Variants in PRRG4 observed in about 807,000 individuals in gnomAD.
The protein encoded by PRRG4 is proline rich and Gla domain 4, also known as transmembrane gamma-carboxyglutamic acid protein 4.
A neutral mutation model predicts 20.0 loss-of-function variants in PRRG4; 12 were observed. The observed-to-expected ratio is 0.60, with a 90% CI of 0.38 to 0.97. The LOEUF is 0.97. Ranked by LOEUF, PRRG4 falls within the 50% of genes least tolerant of loss-of-function variation. The probability of loss-of-function intolerance (pLI) is 0.00; values close to 1 mark genes in which losing one functional copy is unlikely to be tolerated. For missense variants in PRRG4, 199 were observed against 265.1 expected (o/e 0.75, Z 1.73); for synonymous variants, 94 against 96.4 (o/e 0.98, Z 0.15).
In PRRG4 at chr11:32,840,337, G is replaced by C. The variant is rs1851066386; in HGVS notation, c.449+98G>C. On this transcript the variant is annotated intron_variant, in intron 5 of 5. Transcript: ENST00000257836. This position sits in a 1 kb window ranked among gnomAD's most constrained non-coding sequence, Gnocchi z 4.1. Reference sequence around the variant, plus strand: ...AATGGCTGCCTATTTTCTTAAATAAGCCTTTTATTTTGGAAGAATTTTAGA... The same window carrying C: ...AATGGCTGCCTATTTTCTTAAATAACCCTTTTATTTTGGAAGAATTTTAGA... 1 of 922,190 alleles carries C rather than the reference G, an allele frequency of 1.1e-6. No homozygotes were observed. The highest frequency in any genetic ancestry group is 1.6e-6 in the Non-Finnish European group (1 of 610,276). 57.1% of individuals were successfully genotyped at this position (922,190 alleles called of 1,614,324 possible). A position where few individuals can be genotyped will look rare whatever the true frequency, so the allele number is the denominator to read the frequency against.
chr11:32,830,568 A>G lies in PRRG4; in HGVS notation c.39A>G (p.Thr13=), dbSNP rs1208769529. ...TLLVLLSQLP[T]VTLGFPHCAR... ...TGGTTCTACTCAGCCAACTGCCCAC[A>G]GTTACCCTGGGGTTTCCTCATTGCG... The change falls in exon 2 of 6, where the codon ACA becomes ACG. Residue 13 remains threonine, a synonymous_variant. Coordinates refer to ENST00000257836, the MANE Select transcript of PRRG4 (RefSeq NM_024081.6). 1.2e-6 allele frequency: 2 copies of G among 1,609,102 alleles called. No homozygotes were observed. Among genetic ancestry groups the G allele is most frequent in the Non-Finnish European group, 8.5e-7 (1 of 1,178,430 alleles).
At chr11:32,850,562 A>G (rs1258097267) in intron 5 of PRRG4, among the ~76,000 whole-genome samples, 1 of 152,102 alleles carries the variant, frequency 6.6e-6, no homozygotes, top group Non-Finnish European at 1.5e-5. Context: ...GGATATTCCA[A>G]ACTTGGTTTA....
chr11:32,843,784 G>T (rs182969342), intron 5 of PRRG4, among the ~76,000 whole-genome samples: 2 of 149,814 alleles, frequency 1.3e-5, no homozygotes, highest in African/African-American at 4.9e-5. Flanking sequence ...TGAACAAACT[G>T]TTTCCCATTC....
At chr11:32,833,659 T>G (rs1850994486) in intron 2 of PRRG4, among the ~76,000 whole-genome samples, 2 of 152,216 alleles carry the variant, frequency 1.3e-5, no homozygotes, top group Non-Finnish European at 2.9e-5. Flanking sequence ...ATGAATTGCT[T>G]CAACTGGTAG....
chr11:32,853,418 A>G lies in PRRG4; in HGVS notation c.572A>G (p.Gln191Arg). The G allele has an allele frequency of 6.2e-7, 1 of 1,614,156 alleles. No homozygotes were observed. The highest frequency in any genetic ancestry group is 2.2e-5 in the East Asian group (1 of 44,868). ...GATGCAGGATTACCTTCTTATGAAC[A>G]GGCAGTGGCGCTGACCAGAAAACAC... ...VEDAGLPSYE[Q>R]AVALTRKHSV... is the part of the protein sequence containing the mutation. Residue 191 changes from glutamine to arginine, a missense_variant, in exon 6 of 6, where the codon CAG becomes CGG. Gln to Arg is a conservative substitution (Grantham distance 43, BLOSUM62 1). Coordinates refer to ENST00000257836, the MANE Select transcript of PRRG4 (RefSeq NM_024081.6).
In PRRG4 at chr11:32,849,506, T is replaced by C. The variant is rs531373393; in HGVS notation, c.450-3790T>C. On this transcript the variant is annotated intron_variant, in intron 5 of 5. Coordinates refer to ENST00000257836, the MANE Select transcript of PRRG4 (RefSeq NM_024081.6). Reference sequence around the variant, plus strand: ...AGTGAAACCCCGTCTCTACTAAAAATACAAAAAATTAGCCAGGCGTGGTGG... The same window carrying C: ...AGTGAAACCCCGTCTCTACTAAAAACACAAAAAATTAGCCAGGCGTGGTGG... 2.0e-5 allele frequency among the ~76,000 whole-genome samples: 3 copies of C among 150,726 alleles called. No homozygotes were observed. The East Asian group carries it at 5.9e-4, about 30-fold the overall frequency.
rs1226210673 is a variant in PRRG4 at position 32,830,639 on chromosome 11, A to G, written c.103+7A>G. On this transcript the variant is annotated splice_region_variant and intron_variant, in intron 2 of 5. Coordinates refer to ENST00000257836, the MANE Select transcript of PRRG4 (RefSeq NM_024081.6). ...AAGCATGCGGGAGAAGAAGGTAAGC[A>G]CTAAAACGTCCCTGGAACCCAGAGC... 2 of 1,614,004 alleles carry G rather than the reference A, an allele frequency of 1.2e-6. No homozygotes were observed. The highest frequency in any genetic ancestry group is 8.5e-7 in the Non-Finnish European group (1 of 1,180,008).
Position 32,853,825 on chromosome 11 carries a change from C to G in PRRG4, c.*298C>G. On this transcript the variant is annotated 3_prime_UTR_variant, in exon 6 of 6. Transcript: ENST00000257836. ...CCTGGGCGACAGAGCAAGACTCCAT[C>G]TCAAAAATAAAATAAAAAAAGAAAG... 1 of 191,736 alleles carries G rather than the reference C, an allele frequency of 5.2e-6. No homozygotes were observed. The highest frequency in any genetic ancestry group is 1.1e-5 in the Non-Finnish European group (1 of 94,824). 11.9% of individuals were successfully genotyped at this position (191,736 alleles called of 1,614,324 possible). A position where few individuals can be genotyped will look rare whatever the true frequency, so the allele number is the denominator to read the frequency against.
intron 5 of PRRG4, among the ~76,000 whole-genome samples, chr11:32,849,336 G>C (rs1210573380): frequency 6.6e-6 from 1 of 151,994 alleles, no homozygotes; most frequent in Non-Finnish European, 1.5e-5. Context: ...CTACAGCCTG[G>C]GTGGCAGAGC....
chr11:32,854,918 A>G lies in PRRG4; in HGVS notation c.*1391A>G, dbSNP rs906595479. ...TATCAAATAAACAGACCTAAAATCT[A>G]GGAGACACTAGAACTTAATGAAGTT... On this transcript the variant is annotated 3_prime_UTR_variant, in exon 6 of 6. Coordinates refer to ENST00000257836, the MANE Select transcript of PRRG4 (RefSeq NM_024081.6). The G allele has an allele frequency of 2.6e-5, 4 of 152,220 alleles. No individual in the cohort carries two copies. The highest frequency in any genetic ancestry group is 9.6e-5 in the African/African-American group (4 of 41,464). 9.4% of individuals were successfully genotyped at this position (152,220 alleles called of 1,614,324 possible). A position where few individuals can be genotyped will look rare whatever the true frequency, so the allele number is the denominator to read the frequency against.
At position 32,840,139 on chromosome 11, in the gene PRRG4, C is replaced by A; in HGVS notation, c.349C>A (p.Leu117Ile). Residue 117 changes from leucine to isoleucine, a missense_variant, in exon 5 of 6, where the codon CTT (leucine) becomes ATT (isoleucine). Transcript: ENST00000257836. The surrounding 1 kb of genome is among the most constrained non-coding windows in gnomAD (Gnocchi z 4.1). ...GNREKIDVMG[L>I]LTGLIAAGVF... ...CAGAGAGAAAATAGATGTTATGGGC[C>A]TTCTGACTGGATTAATTGCTGCTGG... The A allele has an allele frequency of 6.2e-7, 1 of 1,606,684 alleles. No individual in the cohort carries two copies. The highest frequency in any genetic ancestry group is 8.5e-7 in the Non-Finnish European group (1 of 1,173,958).
At chr11:32,830,946 T>TA (rs1212936532) in intron 2 of PRRG4, among the ~76,000 whole-genome samples, 1 of 152,184 alleles carries the variant, frequency 6.6e-6, no homozygotes, top group Non-Finnish European at 1.5e-5. Flanking sequence ...GTGGCGATTA[T>TA]AATAAGCATA....
chr11:32,848,119 A>G (rs1851147358), intron 5 of PRRG4, among the ~76,000 whole-genome samples: 1 of 152,234 alleles, frequency 6.6e-6, no homozygotes, highest in African/African-American at 2.4e-5. Context: ...TCAAGGGACC[A>G]GCAGGTTGTA....
chr11:32,837,538 GATGATTATTATTATT>G (rs1343381757), intron 3 of PRRG4, among the ~76,000 whole-genome samples: 135 of 90,924 alleles, frequency 1.5e-3, no homozygotes, highest in African/African-American at 3.6e-3. Flanking sequence ...TGATGATGAT[GATGATTATTATTATT>G]ATTATTATTA....
chr11:32,847,352 A>C (rs1851140920), intron 5 of PRRG4, among the ~76,000 whole-genome samples: 1 of 152,140 alleles, frequency 6.6e-6, no homozygotes, highest in South Asian at 2.1e-4. Context: ...ATGAATGGCC[A>C]ACAAGCACTT....
intron 5 of PRRG4, among the ~76,000 whole-genome samples, chr11:32,847,261 A>G (rs1357770544): frequency 6.6e-6 from 1 of 152,094 alleles, no homozygotes; most frequent in Non-Finnish European, 1.5e-5. Flanking sequence ...AGATAGCTCA[A>G]GAAAGGATAA....
chr11:32,831,032 A>G (rs1192934551), intron 2 of PRRG4, among the ~76,000 whole-genome samples: 2 of 152,162 alleles, frequency 1.3e-5, no homozygotes, highest in Non-Finnish European at 2.9e-5. Flanking sequence ...GGGCGAGATA[A>G]CTTAATCCCG....
At chr11:32,836,613 G>T (rs955229061) in intron 2 of PRRG4, 45 bp from the exon 3 acceptor site, 6 of 1,160,516 alleles carry the variant, frequency 5.2e-6, no homozygotes, top group Middle Eastern at 4.1e-4. Flanking sequence ...GGAATTTTTT[G>T]ACTATATTTG....
At position 32,853,442 on chromosome 11, in the gene PRRG4, A is replaced by G; in HGVS notation, c.596A>G (p.His199Arg). ...YEQAVALTRK[H>R]SVSPPPPYPG... ...CAGGCAGTGGCGCTGACCAGAAAAC[A>G]CAGTGTTTCACCACCACCACCATAT... Residue 199 changes from histidine to arginine, a missense_variant, in exon 6 of 6, where the codon CAC becomes CGC. By Grantham distance (29) the His-to-Arg change is conservative. Coordinates refer to ENST00000257836, the MANE Select transcript of PRRG4 (RefSeq NM_024081.6). The G allele has an allele frequency of 6.2e-7, 1 of 1,614,176 alleles. No individual in the cohort carries two copies. The highest frequency in any genetic ancestry group is 1.1e-5 in the South Asian group (1 of 91,088).
Sources: allele counts gnomAD v4.1 joint callset (sites outside exome capture counted in the v4.1 genomes callset), GRCh38; gene constraint gnomAD v4.1.1; non-coding constraint Gnocchi (gnomAD v3.1); transcripts MANE v1.5; gene names NCBI Gene and HGNC (gene_info 2026-07-23, HGNC 2026-07-21).